Variants in ZNF541 observed in about 807,000 individuals in gnomAD.
ZNF541 encodes zinc finger protein 541.
In ZNF541, 23 loss-of-function variants were observed where a neutral mutation model predicts 123.5. That is an observed-to-expected ratio of 0.19 (90% confidence interval 0.13 to 0.26). ZNF541 has a LOEUF of 0.26. Among genes scored for constraint, ZNF541 ranks in the 10% least tolerant of loss-of-function variants. The pLI is 1.00. For missense variants in ZNF541, 1,612 were observed against 1,789.9 expected (o/e 0.90, Z 1.79); for synonymous variants, 751 against 754.5 (o/e 1.00, Z 0.08).
Position 47,544,155 on chromosome 19 carries a change from A to T in ZNF541, c.2374T>A (p.Ser792Thr), listed in dbSNP as rs1049293545. 1.9e-6 allele frequency: 3 copies of T among 1,551,352 alleles called. No homozygotes were observed. The African/African-American group carries it at 4.1e-5, about 21-fold the overall frequency. ...ATTCTGCTGAATATTGTCAGCTTGG[A>T]CTTGGAGGGATCTGCCGGGGGCCCG... ...SAGPPADPSK[S>T]KLTIFSRIQG... The change falls in exon 5 of 17, where the codon TCC becomes ACC. Residue 792 changes from serine (S) to threonine (T), a missense_variant. By Grantham distance (58) the Ser-to-Thr change is moderately conservative (BLOSUM62 1). This residue lies in a region of ZNF541 where 1,080 missense variants were observed against 1,013.8 expected (regional missense o/e 1.07). Coordinates refer to ENST00000391901, the MANE Select transcript of ZNF541 (RefSeq NM_001277075.3).
intron 14 of ZNF541, among the ~76,000 whole-genome samples, chr19:47,522,302 C>A (rs1340172643): frequency 1.3e-5 from 2 of 152,208 alleles, no homozygotes. Context: ...ACTGTGACAT[C>A]ATGCTAATAA....
chr19:47,528,935 C>A lies in ZNF541; in HGVS notation c.3570+15G>T. Reference sequence around the variant, plus strand: ...GTGAGGCAGGGCCTTGGACACCAGCCCACATTCACTTTACCATCTTGTGTA... The same window carrying A: ...GTGAGGCAGGGCCTTGGACACCAGCACACATTCACTTTACCATCTTGTGTA... On this transcript the variant is annotated intron_variant, in intron 14 of 16. Coordinates refer to ENST00000391901, the MANE Select transcript of ZNF541 (RefSeq NM_001277075.3). The A allele has an allele frequency of 6.5e-7, 1 of 1,547,782 alleles. No homozygotes were observed. Among genetic ancestry groups the A allele is most frequent in the Non-Finnish European group, 8.7e-7 (1 of 1,143,570 alleles).
Position 47,555,758 on chromosome 19 carries a change from G to A in ZNF541, c.99C>T (p.Leu33=), listed in dbSNP as rs781185969. ...GCGTGTTGGGACCCAAATCCCGGTT[G>A]AGGGTGTCGCTGCAGTTGAGCCCTT... is the stretch of plus-strand genomic sequence containing the variant. ...ESQGLNCSDT[L]NRDLGPNTRG... Residue 33 remains leucine, a synonymous_variant, in exon 3 of 17, where the codon CTC becomes CTT. Transcript: ENST00000391901. 2.6e-6 allele frequency: 4 copies of A among 1,551,744 alleles called. No homozygotes were observed. The highest frequency in any genetic ancestry group is 1.4e-5 in the African/African-American group (1 of 73,162).
chr19:47,533,978 G>C (rs375766876), intron 9 of ZNF541, among the ~76,000 whole-genome samples: 5 of 152,230 alleles, frequency 3.3e-5, no homozygotes, highest in African/African-American at 9.6e-5. Context: ...GACAGGGGCT[G>C]CCTCTCCTGT....
intron 2 of ZNF541, among the ~76,000 whole-genome samples, chr19:47,570,045 C>T (rs951409450): frequency 6.6e-6 from 1 of 151,950 alleles, no homozygotes; most frequent in South Asian, 2.1e-4. Context: ...GAGGCTGAGG[C>T]GGGCAGATCA....
chr19:47,540,479 GC>G, intron 6 of ZNF541, 144 bp from the exon 7 acceptor site: 1 of 874,772 alleles, frequency 1.1e-6, no homozygotes, highest in Non-Finnish European at 1.7e-6. Context: ...TCACTCTGTT[GC>G]CCAGACTGGA....
chr19:47,531,619 AG>A (rs1271718841), intron 12 of ZNF541, 22 bp downstream of exon 12: 2 of 1,503,914 alleles, frequency 1.3e-6, no homozygotes, highest in African/African-American at 2.8e-5. Context: ...GAAAGCAGGG[AG>A]GGTCCCCTTG....
intron 5 of ZNF541, among the ~76,000 whole-genome samples, chr19:47,543,499 T>C (rs1294828531): frequency 6.6e-6 from 1 of 152,002 alleles, no homozygotes; most frequent in Non-Finnish European, 1.5e-5. Flanking sequence ...GCAGGAATCT[T>C]TAAAGGAAAG....
chr19:47,532,319 G>A (rs2122971475), intron 10 of ZNF541, 49 bp from the exon 11 acceptor site: 1 of 1,542,094 alleles, frequency 6.5e-7, no homozygotes, highest in Non-Finnish European at 8.8e-7. Context: ...ACATGACTGA[G>A]ATGGGAAGTG....
chr19:47,534,562 G>A (rs1290887509), intron 9 of ZNF541, among the ~76,000 whole-genome samples: 1 of 151,726 alleles, frequency 6.6e-6, no homozygotes, highest in Non-Finnish European at 1.5e-5. Context: ...GAAGTGGGAG[G>A]CTAACTTGGG....
At chr19:47,528,868 C>T (rs954409559) in intron 14 of ZNF541, 82 bp downstream of exon 14, 21 of 1,177,508 alleles carry the variant, frequency 1.8e-5, no homozygotes, top group African/African-American at 9.2e-5. Context: ...TGGGGCCCTC[C>T]GACCCCCGAC....
At position 47,526,887 on chromosome 19, in the gene ZNF541, A is replaced by G. The variant is rs1189562512; in HGVS notation, c.3570+2063T>C. Among the ~76,000 whole-genome samples the G allele has an allele frequency of 3.9e-5, 6 of 152,340 alleles. No homozygotes were observed. The East Asian group carries it at 5.8e-4, about 15-fold the overall frequency. ...CCAAGACTGGTACCTGAATGTTCATAACGAATTTATTTATAGTCATCCCAA... is the reference window on the plus strand; with the variant it reads ...CCAAGACTGGTACCTGAATGTTCATGACGAATTTATTTATAGTCATCCCAA... On this transcript the variant is annotated intron_variant, in intron 14 of 16. Coordinates refer to ENST00000391901, the MANE Select transcript of ZNF541 (RefSeq NM_001277075.3).
At chr19:47,557,078 T>C (rs973137816) in intron 2 of ZNF541, among the ~76,000 whole-genome samples, 2 of 152,176 alleles carry the variant, frequency 1.3e-5, no homozygotes, top group African/African-American at 2.4e-5. Flanking sequence ...ATATTTTCCA[T>C]ATAATGGGCT....
At chr19:47,547,907 G>A (rs1970423036) in intron 4 of ZNF541, among the ~76,000 whole-genome samples, 1 of 151,710 alleles carries the variant, frequency 6.6e-6, no homozygotes, top group Non-Finnish European at 1.5e-5. Flanking sequence ...AGGCATGATA[G>A]TGCATGCCTG....
intron 12 of ZNF541, among the ~76,000 whole-genome samples, chr19:47,530,945 C>T (rs756509860): frequency 2.0e-5 from 3 of 152,206 alleles, no homozygotes; most frequent in Non-Finnish European, 4.4e-5. Context: ...GCCACCGCGC[C>T]TGGCCAAGAA....
At chr19:47,561,380 T>C (rs997067098) in intron 2 of ZNF541, among the ~76,000 whole-genome samples, 24 of 151,962 alleles carry the variant, frequency 1.6e-4, no homozygotes, top group African/African-American at 5.1e-4. Context: ...GGAGGCTTCA[T>C]TGAGCTATGA....
intron 5 of ZNF541, 32 bp from the exon 6 acceptor site, chr19:47,540,983 T>A: frequency 6.5e-7 from 1 of 1,546,368 alleles, no homozygotes. Context: ...AACCAACACA[T>A]CCAAAATGAA....
At chr19:47,564,166 C>G (rs1408811416) in intron 2 of ZNF541, among the ~76,000 whole-genome samples, 6 of 151,934 alleles carry the variant, frequency 3.9e-5, no homozygotes. Context: ...TCCAATTAAA[C>G]TACAAAACAC....
Position 47,545,836 on chromosome 19 carries a change from C to T in ZNF541, c.693G>A (p.Pro231=), listed in dbSNP as rs777279873. 7 of 1,548,522 alleles carry T rather than the reference C, an allele frequency of 4.5e-6. No individual in the cohort carries two copies. Among genetic ancestry groups the T allele is most frequent in the South Asian group, 2.4e-5 (2 of 83,934 alleles). ...GGGAGTCCCCGCAGGCCTCTTCCTC[C>T]GGGGGGGCTTCCTTCAGGATGCACA... ...HGLCILKEAP[P]EEEACGDSPH... Residue 231 remains proline (P), a synonymous_variant, in exon 5 of 17, where the codon CCG becomes CCA. Transcript: ENST00000391901. The surrounding 1 kb of genome is among the most constrained non-coding windows in gnomAD (Gnocchi z 7.5).
Sources: allele counts gnomAD v4.1 joint callset (sites outside exome capture counted in the v4.1 genomes callset), GRCh38; gene constraint gnomAD v4.1.1; regional missense constraint gnomAD v4.1.1; non-coding constraint Gnocchi (gnomAD v3.1); transcripts MANE v1.5; gene names NCBI Gene and HGNC (gene_info 2026-07-23, HGNC 2026-07-21).